Variants in ACTN3 observed in about 807,000 individuals in gnomAD.
The protein encoded by ACTN3 is alpha-actinin-3.
ACTN3 carries 91 observed loss-of-function variants against 119.6 expected under a neutral mutation model. That is an observed-to-expected ratio of 0.76 (90% CI 0.64 to 0.91). The LOEUF is 0.91. Ranked by LOEUF, ACTN3 falls within the 40% of genes least tolerant of loss-of-function variation. ACTN3 has a pLI of 0.00. For synonymous variants in ACTN3, 456 were observed against 478.8 expected (o/e 0.95, Z 0.62); for missense variants, 1,221 against 1,215.1 (o/e 1.00, Z -0.07).
At position 66,557,899 on chromosome 11, in the gene ACTN3, C is replaced by G; in HGVS notation, c.1098C>G (p.Ala366=). The G allele has an allele frequency of 6.2e-7, 1 of 1,614,126 alleles. No homozygotes were observed. Among genetic ancestry groups the G allele is most frequent in the South Asian group, 1.1e-5 (1 of 91,072 alleles). Residue 366 remains alanine, a synonymous_variant, in exon 10 of 21, where the codon GCC becomes GCG. Coordinates refer to ENST00000513398, the MANE Select transcript of ACTN3 (RefSeq NM_001104.4). ...QTKLRLSHRP[A]FMPSEGKLVS... ...AGTTGCGGCTCAGCCACCGGCCTGC[C>G]TTCATGCCCTCCGAGGGCAAGCTGG...
chr11:66,556,510 C>A (rs1857593853), intron 8 of ACTN3, among the ~76,000 whole-genome samples: 1 of 151,856 alleles, frequency 6.6e-6, no homozygotes, highest in African/African-American at 2.4e-5. Flanking sequence ...AGTGAAGTGG[C>A]GTGATCACGG....
At chr11:66,553,320 G>A (rs1178980887) in intron 3 of ACTN3, among the ~76,000 whole-genome samples, 1 of 151,872 alleles carries the variant, frequency 6.6e-6, no homozygotes, top group African/African-American at 2.4e-5. Flanking sequence ...TTGGGAGGCT[G>A]AGGTGGGCAG....
upstream of ACTN3, chr11:66,546,424 C>A: frequency 9.9e-7 from 1 of 1,010,626 alleles, no homozygotes; most frequent in South Asian, 1.6e-5. Context: ...ATCCAGCTGG[C>A]TCAGAGCCGT....
At chr11:66,551,741 G>T in intron 3 of ACTN3, 94 bp downstream of exon 3, 2 of 1,531,638 alleles carry the variant, frequency 1.3e-6, no homozygotes, top group Non-Finnish European at 1.8e-6. Flanking sequence ...CCTCATCTCA[G>T]CAATGAGAAT....
chr11:66,559,932 G>A, intron 12 of ACTN3, 36 bp from the exon 13 acceptor site: 2 of 1,557,526 alleles, frequency 1.3e-6, no homozygotes, highest in Non-Finnish European at 1.7e-6. Context: ...TCTGGGCTGG[G>A]GCTGGCCCCA....
At chr11:66,550,061 C>T (rs1367660440) in intron 1 of ACTN3, among the ~76,000 whole-genome samples, 3 of 152,194 alleles carry the variant, frequency 2.0e-5, no homozygotes, top group South Asian at 4.1e-4. Context: ...CCAAATGGCT[C>T]CCAGGGCCAC....
At chr11:66,551,825 C>A in intron 3 of ACTN3, 178 bp downstream of exon 3, 1 of 542,290 alleles carries the variant, frequency 1.8e-6, no homozygotes. Context: ...CCTGTAATCT[C>A]GGCACTTTGG....
At chr11:66,551,486 C>T in intron 2 of ACTN3, 42 bp from the exon 3 acceptor site, 10 of 1,601,114 alleles carry the variant, frequency 6.2e-6, no homozygotes, top group Non-Finnish European at 8.5e-6. Context: ...CTTCAGCTGC[C>T]TCTCATGACC....
intron 3 of ACTN3, among the ~76,000 whole-genome samples, chr11:66,552,866 TCTCTCTCTCTCTCTCACA>T (rs1473992155): frequency 1.7e-4 from 15 of 88,832 alleles, no homozygotes; most frequent in African/African-American, 5.6e-4. Flanking sequence ...TCTCTCTCTC[TCTCTCTCTCTCTCTCACA>T]CACACACACA....
At chr11:66,562,487 TTCTGTGTGGACCCAAAG>T in intron 19 of ACTN3, 165 bp downstream of exon 19, 2 of 348,664 alleles carry the variant, frequency 5.7e-6, no homozygotes, top group Non-Finnish European at 8.1e-6. Flanking sequence ...TTGGACCCAG[TTCTGTGTGGACCCAAAG>T]TCTGAGCTTG....
Position 66,547,400 on chromosome 11 carries a change from G to C in ACTN3, c.147+316G>C, listed in dbSNP as rs563200898. 2.0e-5 allele frequency among the ~76,000 whole-genome samples: 3 copies of C among 151,492 alleles called. No individual in the cohort carries two copies. The East Asian group carries it at 5.9e-4, about 30-fold the overall frequency. On this transcript the variant is annotated intron_variant, in intron 1 of 20. Coordinates refer to ENST00000513398, the MANE Select transcript of ACTN3 (RefSeq NM_001104.4). ...ACCCCAGGAGATCCAAGTTAGGGGG[G>C]GTTCAGAAAGAAGAATCTTCTTCTA...
chr11:66,562,248 C>G lies in ACTN3; in HGVS notation c.2323-9C>G. On this transcript the variant is annotated splice_polypyrimidine_tract_variant and intron_variant, in intron 18 of 20. Coordinates refer to ENST00000513398, the MANE Select transcript of ACTN3 (RefSeq NM_001104.4). ...GAGACCAAGCCTGATAACCACTCAC[C>G]CCCTACAGAAGCAGAATGGGATGAT... 1 of 1,613,878 alleles carries G rather than the reference C, an allele frequency of 6.2e-7. No individual in the cohort carries two copies. The highest frequency in any genetic ancestry group is 8.5e-7 in the Non-Finnish European group (1 of 1,179,864).
Position 66,557,138 on chromosome 11 carries a change from G to A in ACTN3, c.810G>A (p.Glu270=). ...TCTGCCCACTCCCCCCACAGGCAGA[G>A]ACAGCTGCCAACAGGATCTGCAAGG... ...YHAFAGAEQA[E]TAANRICKVL... The change falls in exon 9 of 21, where the codon GAG becomes GAA. Residue 270 remains glutamate (E), a synonymous_variant. Coordinates refer to ENST00000513398, the MANE Select transcript of ACTN3 (RefSeq NM_001104.4). 1 of 1,552,504 alleles carries A rather than the reference G, an allele frequency of 6.4e-7. No homozygotes were observed. Among genetic ancestry groups the A allele is most frequent in the South Asian group, 1.2e-5 (1 of 84,076 alleles).
At chr11:66,553,727 G>A (rs1457318658) in intron 3 of ACTN3, among the ~76,000 whole-genome samples, 3 of 151,322 alleles carry the variant, frequency 2.0e-5, no homozygotes, top group Non-Finnish European at 2.9e-5. Flanking sequence ...AAAATTAGCC[G>A]GGCGTGGTGG....
chr11:66,547,073 C>A lies in ACTN3; in HGVS notation c.136C>A (p.Gln46Lys), dbSNP rs1165242514. The A allele has an allele frequency of 6.6e-7, 1 of 1,508,160 alleles. No individual in the cohort carries two copies. The highest frequency in any genetic ancestry group is 2.3e-5 in the East Asian group (1 of 43,570). 93.4% of individuals were successfully genotyped at this position (1,508,160 alleles called of 1,614,324 possible). The change falls in exon 1 of 21, where the codon CAG (glutamine) becomes AAG (lysine). Residue 46 changes from glutamine (Q) to lysine (K), a missense_variant. Coordinates refer to ENST00000513398, the MANE Select transcript of ACTN3 (RefSeq NM_001104.4). Reference protein sequence around the residue: ...DLLLDPAWEKQQRKTFTAWCN... With the variant: ...DLLLDPAWEKKQRKTFTAWCN... ...GCTGCTGGACCCGGCCTGGGAGAAG[C>A]AGCAGCGGAAAGTGAGTGCTCGCCC... is the stretch of plus-strand genomic sequence containing the variant.
rs375293272 is a variant in ACTN3 at position 66,559,313 on chromosome 11, G to C, written c.1354G>C (p.Glu452Gln). ...QEVRALLRRH[E>Q]AFESDLAAHQ... is the part of the protein sequence containing the mutation. Reference sequence around the variant, plus strand: ...GGTGCGGGCGTTGCTGCGGCGCCACGAGGCCTTTGAGAGCGACCTGGCGGC... The same window carrying C: ...GGTGCGGGCGTTGCTGCGGCGCCACCAGGCCTTTGAGAGCGACCTGGCGGC... Residue 452 changes from glutamate to glutamine, a missense_variant, in exon 12 of 21, where the codon GAG becomes CAG. Physicochemically the swap from Glu to Gln is conservative, Grantham distance 29. Transcript: ENST00000513398. 7.5e-5 allele frequency: 118 copies of C among 1,575,192 alleles called. 2 individuals carry two copies. The highest frequency in any genetic ancestry group is 9.0e-5 in the Non-Finnish European group (105 of 1,163,194).
In ACTN3 at chr11:66,559,246, G is replaced by A. The variant is rs766504950; in HGVS notation, c.1287G>A (p.Glu429=). 2.3e-5 allele frequency: 36 copies of A among 1,548,580 alleles called. No individual in the cohort carries two copies. The highest frequency in any genetic ancestry group is 9.7e-5 in the Admixed American group (5 of 51,588). ...LHEAWTRGKE[E]MLSQRDYDSA... is the part of the protein sequence containing the mutation. ...CATCTCTTTGAGCAGGAAAGGAGGA[G>A]ATGCTGAGCCAGCGCGACTACGATT... is the stretch of plus-strand genomic sequence containing the variant. Residue 429 remains glutamate, a synonymous_variant, in exon 12 of 21, where the codon GAG becomes GAA. Coordinates refer to ENST00000513398, the MANE Select transcript of ACTN3 (RefSeq NM_001104.4).
Position 66,551,049 on chromosome 11 carries a change from T to C in ACTN3, c.148-190T>C, listed in dbSNP as rs1388131336. ...GGTCACAGACCCCATTTCTCCCCTC[T>C]CAGGAAAACGAAAGCTCAGAGAGGG... On this transcript the variant is annotated intron_variant, in intron 1 of 20. Coordinates refer to ENST00000513398, the MANE Select transcript of ACTN3 (RefSeq NM_001104.4). 3 of 686,416 alleles carry C rather than the reference T, an allele frequency of 4.4e-6. No individual in the cohort carries two copies. In the South Asian group the frequency reaches 4.5e-5, roughly 10 times the overall value. The allele number at this position is 686,416 out of a possible 1,614,324, so 42.5% of individuals were successfully genotyped here.
chr11:66,548,446 C>G (rs1435964491), intron 1 of ACTN3, among the ~76,000 whole-genome samples: 2 of 152,164 alleles, frequency 1.3e-5, no homozygotes, highest in African/African-American at 4.8e-5. Flanking sequence ...CCTTTGTCAC[C>G]TAACAAATTA....
Sources: gnomAD v4.1 joint callset for allele counts (sites outside exome capture counted in the v4.1 genomes callset) on GRCh38, gnomAD v4.1.1 for gene constraint, MANE v1.5 for transcripts, NCBI Gene and HGNC (gene_info 2026-07-23, HGNC 2026-07-21) for gene names.